PCDHGB5: variants seen among roughly 807,000 people sequenced by gnomAD.
The protein encoded by PCDHGB5 is protocadherin gamma subfamily B, 5.
PCDHGB5 carries 48 observed loss-of-function variants against 62.9 expected under a neutral mutation model. The ratio of observed to expected loss-of-function variants is 0.76; its 90% confidence interval spans 0.61 to 0.97. The LOEUF is 0.97. PCDHGB5 is among the 50% of genes least tolerant of loss of function. The probability of loss-of-function intolerance (pLI) is 0.00; values close to 1 mark genes in which losing one functional copy is unlikely to be tolerated. For synonymous variants in PCDHGB5, 474 were observed against 511.2 expected, an observed-to-expected ratio of 0.93 and a Z score of 0.98; for missense variants, 1,118 against 1,198.6, an observed-to-expected ratio of 0.93 and a Z score of 0.99.
chr5:141,454,908 C>T (rs1370482009), intron 1 of PCDHGB5, among the ~76,000 whole-genome samples: 3 of 145,392 alleles, frequency 2.1e-5, no homozygotes, highest in Non-Finnish European at 4.5e-5. Context: ...CCCGGGTTCA[C>T]GCCATTCTCC....
intron 3 of PCDHGB5, 90 bp from the exon 4 acceptor site, chr5:141,510,857 A>G (rs1184962556): frequency 6.2e-7 from 1 of 1,605,538 alleles, no homozygotes; most frequent in Non-Finnish European, 8.5e-7. Flanking sequence ...AGGGTGCTGT[A>G]TAGGCATTCA....
chr5:141,399,761 G>C lies in PCDHGB5; in HGVS notation c.1634G>C (p.Arg545Pro). 2 of 1,613,356 alleles carry C rather than the reference G, an allele frequency of 1.2e-6. No individual in the cohort carries two copies. Among genetic ancestry groups the C allele is most frequent in the Non-Finnish European group, 1.7e-6 (2 of 1,179,822 alleles). Residue 545 changes from arginine (R) to proline (P), a missense_variant, in exon 1 of 4, where the codon CGC (arginine) becomes CCC (proline). Around this residue, in one of 2 missense-constraint regions of PCDHGB5, gnomAD observed 1,034 missense variants for 1,029.1 expected, o/e 1.00. Coordinates refer to ENST00000617380, the MANE Select transcript of PCDHGB5 (RefSeq NM_018925.3). The part of the protein sequence containing the change: ...SPALSANVSL[R>P]VLVGDRNDNA... ...GCGCTCAGCGCAAACGTGAGCCTGC[G>C]CGTGTTGGTGGGCGACCGAAACGAC...
chr5:141,433,122 G>C (rs1442464320), intron 1 of PCDHGB5: 1 of 1,614,134 alleles, frequency 6.2e-7, no homozygotes, highest in Admixed American at 1.7e-5. Flanking sequence ...TTTGAAAAAA[G>C]CGAGCCCCTT....
At position 141,490,181 on chromosome 5, in the gene PCDHGB5, G is replaced by A. The variant is rs755899660; in HGVS notation, c.2398-4626G>A. ...GGTCCCATAGACTTTGAGGAGTCACGTTTCTATGAAATTCATGCAAGAGCC... is the reference window on the plus strand; with the variant it reads ...GGTCCCATAGACTTTGAGGAGTCACATTTCTATGAAATTCATGCAAGAGCC... On this transcript the variant is annotated intron_variant, in intron 1 of 3. Coordinates refer to ENST00000617380, the MANE Select transcript of PCDHGB5 (RefSeq NM_018925.3). This position sits in a 1 kb window ranked among gnomAD's most constrained non-coding sequence, Gnocchi z 5.4. The A allele has an allele frequency of 9.9e-6, 16 of 1,614,200 alleles. No homozygotes were observed. Among genetic ancestry groups the A allele is most frequent in the Middle Eastern group, 1.6e-4 (1 of 6,062 alleles).
intron 1 of PCDHGB5, chr5:141,421,469 G>C (rs767500900): frequency 2.5e-6 from 4 of 1,614,122 alleles, no homozygotes; most frequent in Non-Finnish European, 3.4e-6. Context: ...GTGAATCCGC[G>C]AAGCGGCAGC....
chr5:141,448,786 A>C (rs1354591718), intron 1 of PCDHGB5, among the ~76,000 whole-genome samples: 1 of 148,848 alleles, frequency 6.7e-6, no homozygotes, highest in African/African-American at 2.5e-5. Flanking sequence ...TAAAAATACA[A>C]AAAAAAAAAT....
Position 141,494,855 on chromosome 5 carries a change from G to A in PCDHGB5, c.2446G>A (p.Gly816Ser), listed in dbSNP as rs200418116. The A allele has an allele frequency of 4.8e-4, 774 of 1,614,092 alleles. 7 individuals carry two copies. The South Asian group carries it at 5.1e-3, about 11-fold the overall frequency. ...GCGTTTCTCTCAGGCCCAGAGACCC[G>A]GCACCAGCGGGTAGGTGACTGATTC... is the stretch of plus-strand genomic sequence containing the variant. ...DWRFSQAQRP[G>S]TSGSQNGDDT... Residue 816 changes from glycine (G) to serine (S), a missense_variant, in exon 2 of 4, where the codon GGC becomes AGC. This residue lies in a region of PCDHGB5 where 1,034 missense variants were observed against 1,029.1 expected (regional missense o/e 1.00). Coordinates refer to ENST00000617380, the MANE Select transcript of PCDHGB5 (RefSeq NM_018925.3).
At position 141,490,409 on chromosome 5, in the gene PCDHGB5, C is replaced by G; in HGVS notation, c.2398-4398C>G. On this transcript the variant is annotated intron_variant, in intron 1 of 3. Transcript: ENST00000617380. The surrounding 1 kb of genome is among the most constrained non-coding windows in gnomAD (Gnocchi z 5.4). ...AATGGTGAAGTGAGCCTTGATATCT[C>G]TCCGGACCTGCCATTTCAGATTAAG... 1 of 1,614,202 alleles carries G rather than the reference C, an allele frequency of 6.2e-7. No homozygotes were observed. Among genetic ancestry groups the G allele is most frequent in the Non-Finnish European group, 8.5e-7 (1 of 1,180,038 alleles).
intron 1 of PCDHGB5, chr5:141,478,139 G>A: frequency 6.2e-7 from 1 of 1,614,040 alleles, no homozygotes; most frequent in Non-Finnish European, 8.5e-7. Context: ...TGAAGCCCGA[G>A]CCGAGTTCCC....
chr5:141,405,345 A>C (rs758657243), intron 1 of PCDHGB5: 2 of 1,613,944 alleles, frequency 1.2e-6, no homozygotes, highest in Middle Eastern at 1.6e-4. Context: ...GTTGATTCCA[A>C]GTTTCCTATA....
chr5:141,409,447 A>C, intron 1 of PCDHGB5: 1 of 1,614,008 alleles, frequency 6.2e-7, no homozygotes, highest in Non-Finnish European at 8.5e-7. Context: ...GAGAGCAGAC[A>C]CCAGAATACA....
intron 1 of PCDHGB5, among the ~76,000 whole-genome samples, chr5:141,467,758 C>CTCAA (rs933308513): frequency 6.6e-5 from 10 of 152,018 alleles, no homozygotes; most frequent in Admixed American, 5.9e-4. Flanking sequence ...GCCTCACATG[C>CTCAA]TCAAGTGCCC....
rs1562187768 is a variant in PCDHGB5, at chr5:141,499,029, A to AAGG, written c.2456+4165_2456+4166insGGA. 5.0e-3 allele frequency among the ~76,000 whole-genome samples: 706 copies of AAGG among 140,066 alleles called. 6 individuals carry two copies. Among genetic ancestry groups the AAGG allele is most frequent in the African/African-American group, 0.019 (683 of 36,064 alleles). The allele number at this position is 140,066 out of a possible 152,430, so 91.9% of individuals were successfully genotyped here. A position where few individuals can be genotyped will look rare whatever the true frequency, so the allele number is the denominator to read the frequency against. ...GGAAGGAAGGAAGGAAGGAAGGAAG[A>AAGG]AAAGAAAGAAAAAGGGAGAAAAAAT... On this transcript the variant is annotated intron_variant, in intron 2 of 3. Transcript: ENST00000617380.
At chr5:141,442,049 C>A in intron 1 of PCDHGB5, 2 of 202,550 alleles carry the variant, frequency 9.9e-6, no homozygotes, top group South Asian at 1.3e-4. Flanking sequence ...GCCTACTGGT[C>A]GCGGTGCACT....
Position 141,398,502 on chromosome 5 carries a change from C to A in PCDHGB5, c.375C>A (p.Asp125Glu). 6.3e-7 allele frequency: 1 copy of A among 1,596,962 alleles called. No homozygotes were observed. Among genetic ancestry groups the A allele is most frequent in the Admixed American group, 1.7e-5 (1 of 58,746 alleles). Residue 125 changes from aspartate (D) to glutamate (E), a missense_variant, in exon 1 of 4, where the codon GAC (aspartate) becomes GAA (glutamate). This residue lies in a region of PCDHGB5 where 1,034 missense variants were observed against 1,029.1 expected (regional missense o/e 1.00). Transcript: ENST00000617380. ...NFYHVNVEIE[D>E]INDHTPKFTQ... is the part of the protein sequence containing the mutation. The stretch of plus-strand genomic sequence containing the variant: ...ATCACGTGAATGTGGAGATCGAGGA[C>A]ATTAATGACCACACGCCAAAATTCA...
At chr5:141,402,335 G>A (rs1157845729) in intron 1 of PCDHGB5, among the ~76,000 whole-genome samples, 1 of 151,508 alleles carries the variant, frequency 6.6e-6, no homozygotes, top group Non-Finnish European at 1.5e-5. Context: ...CAAATATATA[G>A]GTATAAAAAT....
chr5:141,419,455 G>A lies in PCDHGB5; in HGVS notation c.2397+18931G>A, dbSNP rs770156844. 8.1e-6 allele frequency: 13 copies of A among 1,612,598 alleles called. No homozygotes were observed. The African/African-American group carries it at 1.7e-4, about 22-fold the overall frequency. ...AGCTGCGCACCTTCGAGCTCACGCT[G>A]CAGGCCCGCGACCAGGGCTCGCCCG... is the stretch of plus-strand genomic sequence containing the variant. On this transcript the variant is annotated intron_variant, in intron 1 of 3. Coordinates refer to ENST00000617380, the MANE Select transcript of PCDHGB5 (RefSeq NM_018925.3).
chr5:141,439,056 T>C (rs2098084461), intron 1 of PCDHGB5, among the ~76,000 whole-genome samples: 1 of 151,260 alleles, frequency 6.6e-6, no homozygotes, highest in Non-Finnish European at 1.5e-5. Flanking sequence ...TTCCATATTG[T>C]GTGGCAGGCG....
At chr5:141,422,724 G>T (rs560544401) in intron 1 of PCDHGB5, 3 of 1,606,016 alleles carry the variant, frequency 1.9e-6, no homozygotes, top group Admixed American at 3.3e-5. Context: ...CTGTCCAGGG[G>T]GTGCCTCTGT....
Sources: gnomAD v4.1 joint callset for allele counts (sites outside exome capture counted in the v4.1 genomes callset) on GRCh38, gnomAD v4.1.1 for gene constraint, gnomAD v4.1.1 regional missense constraint, Gnocchi (gnomAD v3.1) non-coding constraint, MANE v1.5 for transcripts, NCBI Gene and HGNC (gene_info 2026-07-23, HGNC 2026-07-21) for gene names.